The following DTD1 variants were observed in gnomAD, a reference collection of about 807,000 sequenced individuals.
The protein encoded by DTD1 is D-aminoacyl-tRNA deacylase 1.
DTD1 carries 13 observed loss-of-function variants against 25.6 expected under a neutral mutation model. The observed-to-expected ratio is 0.51, with a 90% confidence interval of 0.33 to 0.81. The LOEUF is 0.81. Among genes scored for constraint, DTD1 ranks in the 30% least tolerant of loss-of-function variants. DTD1 has a pLI of 0.02. For synonymous variants in DTD1, 110 were observed against 103.6 expected (o/e 1.06, Z -0.37); for missense variants, 193 against 266.4 (o/e 0.72, Z 1.92).
intron 3 of DTD1, among the ~76,000 whole-genome samples, chr20:18,626,290 G>A (rs887317077): frequency 6.6e-6 from 1 of 152,298 alleles, no homozygotes; most frequent in East Asian, 1.9e-4. Context: ...AGTCAGTGAA[G>A]CATTGTCCAG....
At chr20:18,608,874 G>A (rs548235387) in intron 3 of DTD1, among the ~76,000 whole-genome samples, 46 of 152,260 alleles carry the variant, frequency 3.0e-4, no homozygotes, top group African/African-American at 1.1e-3. Flanking sequence ...CTTTAAGGGC[G>A]TCATTCATTT....
chr20:18,712,537 A>G (rs2061163415), intron 4 of DTD1, among the ~76,000 whole-genome samples: 1 of 152,138 alleles, frequency 6.6e-6, no homozygotes, highest in African/African-American at 2.4e-5. Context: ...TCATTGGATC[A>G]TAAGTCAGCA....
At chr20:18,666,121 G>A (rs1568662793) in intron 4 of DTD1, among the ~76,000 whole-genome samples, 1 of 152,092 alleles carries the variant, frequency 6.6e-6, no homozygotes, top group Non-Finnish European at 1.5e-5. Flanking sequence ...GCCTTTCCTT[G>A]TTTTTCACCA....
intron 4 of DTD1, among the ~76,000 whole-genome samples, chr20:18,676,741 T>C (rs544695959): frequency 6.6e-6 from 1 of 152,300 alleles, no homozygotes; most frequent in African/African-American, 2.4e-5. Flanking sequence ...GCTTGTAGGA[T>C]CACATTTTGG....
chr20:18,630,325 AT>A (rs2122316805), intron 4 of DTD1: 1 of 152,106 alleles, frequency 6.6e-6, no homozygotes, highest in Non-Finnish European at 1.5e-5. Flanking sequence ...TATTAACTAT[AT>A]TACAAACCTT....
At position 18,588,997 on chromosome 20, in the gene DTD1, C is replaced by T. The variant is rs142520815; in HGVS notation, c.43+882C>T. 155 of 619,302 alleles carry T rather than the reference C, an allele frequency of 2.5e-4. 1 individual carries two copies. The East Asian group carries it at 0.018, about 72-fold the overall frequency. 38.4% of individuals were successfully genotyped at this position (619,302 alleles called of 1,614,324 possible). A position where few individuals can be genotyped will look rare whatever the true frequency, so the allele number is the denominator to read the frequency against. On this transcript the variant is annotated intron_variant, in intron 1 of 5. Coordinates refer to ENST00000377452, the MANE Select transcript of DTD1 (RefSeq NM_080820.6). ...TTTCAGTTCAAATAATTTCAGATATCCTGTCCTTGGAGCCAGTCTGCACCA... is the reference window on the plus strand; with the variant it reads ...TTTCAGTTCAAATAATTTCAGATATTCTGTCCTTGGAGCCAGTCTGCACCA...
At chr20:18,718,028 C>T (rs1194186818) in intron 4 of DTD1, among the ~76,000 whole-genome samples, 1 of 152,180 alleles carries the variant, frequency 6.6e-6, no homozygotes, top group Non-Finnish European at 1.5e-5. Flanking sequence ...TTGGGAGCCT[C>T]TTGGGAAACA....
At chr20:18,760,730 C>T (rs1051077380) in intron 5 of DTD1, among the ~76,000 whole-genome samples, 6 of 152,206 alleles carry the variant, frequency 3.9e-5, no homozygotes, top group African/African-American at 1.4e-4. Context: ...TCTCAAGCTG[C>T]ATGCTGGGAG....
At chr20:18,601,014 A>C (rs1451511215) in intron 3 of DTD1, among the ~76,000 whole-genome samples, 2 of 152,150 alleles carry the variant, frequency 1.3e-5, no homozygotes, top group East Asian at 3.9e-4. Context: ...TCTGCAAACA[A>C]AGACAGTTTT....
intron 4 of DTD1, among the ~76,000 whole-genome samples, chr20:18,633,024 C>G (rs780483314): frequency 3.5e-4 from 53 of 152,258 alleles, no homozygotes; most frequent in Non-Finnish European, 6.8e-4. Context: ...CAACATAAAC[C>G]TGAAAGGTTA....
At chr20:18,748,880 G>A (rs2061311061) in intron 5 of DTD1, among the ~76,000 whole-genome samples, 2 of 152,182 alleles carry the variant, frequency 1.3e-5, no homozygotes, top group Admixed American at 1.3e-4. Flanking sequence ...CAGCCACAGA[G>A]GGGAGGCAGC....
At chr20:18,736,318 G>A (rs139173397) in intron 4 of DTD1, among the ~76,000 whole-genome samples, 1,859 of 152,252 alleles carry the variant, frequency 0.012, 13 homozygotes, top group Non-Finnish European at 0.015. Context: ...GGAGTGAGTG[G>A]AATCTTCAGG....
chr20:18,628,917 ATG>A (rs2060770701), intron 4 of DTD1, among the ~76,000 whole-genome samples: 2 of 150,648 alleles, frequency 1.3e-5, no homozygotes, highest in African/African-American at 4.9e-5. Flanking sequence ...GCATGCTGTG[ATG>A]GCCAGTGATG....
chr20:18,618,712 CAT>C (rs34162044), intron 3 of DTD1, among the ~76,000 whole-genome samples: 74 of 138,760 alleles, frequency 5.3e-4, no homozygotes, highest in East Asian at 1.2e-3. Flanking sequence ...CACACACACA[CAT>C]ATAATTTTTT....
intron 4 of DTD1, among the ~76,000 whole-genome samples, chr20:18,741,897 ATTTTTTTT>A (rs57912866): frequency 0.49 from 43,533 of 88,600 alleles, 6,740 homozygotes; most frequent in Middle Eastern, 0.61. Flanking sequence ...TAACCTTTGT[ATTTTTTTT>A]TTTTTTTTTT....
chr20:18,593,679 T>G, intron 1 of DTD1, 52 bp from the exon 2 acceptor site: 1 of 1,389,246 alleles, frequency 7.2e-7, no homozygotes, highest in Non-Finnish European at 1.0e-6. Flanking sequence ...TAAAAGTGCT[T>G]TATGACCTTG....
intron 4 of DTD1, among the ~76,000 whole-genome samples, chr20:18,724,564 A>C (rs2061216756): frequency 6.6e-6 from 1 of 152,210 alleles, no homozygotes; most frequent in Non-Finnish European, 1.5e-5. Flanking sequence ...TCAAAATTTC[A>C]TTTGTAAGTA....
At chr20:18,745,196 G>A (rs963356351) in intron 5 of DTD1, among the ~76,000 whole-genome samples, 31 of 152,276 alleles carry the variant, frequency 2.0e-4, no homozygotes, top group Admixed American at 4.6e-4. Flanking sequence ...ACAGTGCCCC[G>A]TGTGGCACTG....
chr20:18,738,710 G>C (rs2061266178), intron 4 of DTD1, among the ~76,000 whole-genome samples: 4 of 152,200 alleles, frequency 2.6e-5, no homozygotes, highest in Admixed American at 2.6e-4. Flanking sequence ...AGGAGAACCA[G>C]ACATTGCCAC....
Sources: allele counts gnomAD v4.1 joint callset (sites outside exome capture counted in the v4.1 genomes callset), GRCh38; gene constraint gnomAD v4.1.1; transcripts MANE v1.5; gene names NCBI Gene and HGNC (gene_info 2026-07-23, HGNC 2026-07-21).